The following NALCN variants were observed in gnomAD, a reference collection of about 807,000 sequenced individuals.
NALCN encodes the protein sodium leak channel, non-selective.
In NALCN, 111 loss-of-function variants were observed where a neutral mutation model predicts 225.3. That is an observed-to-expected ratio of 0.49 (90% confidence interval 0.42 to 0.58). The LOEUF (loss-of-function observed/expected upper bound fraction) is 0.58. Ranked by LOEUF, NALCN falls within the 20% of genes least tolerant of loss-of-function variation. The pLI is 0.00. For synonymous variants in NALCN, 764 were observed against 769.0 expected (o/e 0.99, Z 0.11); for missense variants, 1,378 against 2,202.4 (o/e 0.63, Z 7.49).
At chr13:101,086,209 C>T (rs2139530145) in intron 30 of NALCN, among the ~76,000 whole-genome samples, 1 of 151,984 alleles carries the variant, frequency 6.6e-6, no homozygotes, top group Non-Finnish European at 1.5e-5. Context: ...ATCTTTGTTA[C>T]TTTCTTCCCC....
intron 11 of NALCN, among the ~76,000 whole-genome samples, chr13:101,255,876 C>G (rs557471102): frequency 6.6e-6 from 1 of 152,292 alleles, no homozygotes; most frequent in African/African-American, 2.4e-5. Flanking sequence ...CTCCTTGATA[C>G]TCCTTTGCAA....
At chr13:101,285,902 C>T (rs2043321326) in intron 9 of NALCN, among the ~76,000 whole-genome samples, 1 of 152,154 alleles carries the variant, frequency 6.6e-6, no homozygotes, top group South Asian at 2.1e-4. Flanking sequence ...ATCCTATACT[C>T]TCTAATTGTG....
chr13:101,309,177 C>T (rs1018090062), intron 7 of NALCN, among the ~76,000 whole-genome samples: 3 of 152,092 alleles, frequency 2.0e-5, no homozygotes, highest in Non-Finnish European at 2.9e-5. Context: ...CAAAATAATG[C>T]TATTTTTACC....
At chr13:101,091,547 C>T (rs2139558509) in intron 28 of NALCN, among the ~76,000 whole-genome samples, 1 of 148,104 alleles carries the variant, frequency 6.8e-6, no homozygotes, top group Non-Finnish European at 1.5e-5. Flanking sequence ...CTCAGAAATG[C>T]ATATTTTGGA....
chr13:101,232,892 A>G (rs551201732), intron 12 of NALCN, among the ~76,000 whole-genome samples: 87 of 152,200 alleles, frequency 5.7e-4, no homozygotes, highest in Non-Finnish European at 1.0e-3. Context: ...ATCTGGAAAG[A>G]TTTCACATTT....
intron 13 of NALCN, among the ~76,000 whole-genome samples, chr13:101,205,472 A>C (rs1292117117): frequency 6.6e-6 from 1 of 152,132 alleles, no homozygotes; most frequent in Non-Finnish European, 1.5e-5. Flanking sequence ...GAATGAACTT[A>C]TATTTTACCC....
At chr13:101,365,681 T>A (rs185913555) in intron 6 of NALCN, among the ~76,000 whole-genome samples, 146 of 152,236 alleles carry the variant, frequency 9.6e-4, no homozygotes, top group African/African-American at 2.9e-3. Context: ...AAATGCATTG[T>A]CTACATTGAG....
At chr13:101,102,082 AG>A (rs2034850768) in intron 26 of NALCN, among the ~76,000 whole-genome samples, 1 of 152,162 alleles carries the variant, frequency 6.6e-6, no homozygotes, top group African/African-American at 2.4e-5. Context: ...CAGGAGTTCA[AG>A]GGCAGCATGG....
At chr13:101,310,853 A>G (rs1182857557) in intron 7 of NALCN, among the ~76,000 whole-genome samples, 1 of 152,216 alleles carries the variant, frequency 6.6e-6, no homozygotes, top group East Asian at 1.9e-4. Context: ...TAATGGAAAT[A>G]AAGTCAGAAC....
intron 39 of NALCN, among the ~76,000 whole-genome samples, chr13:101,066,192 G>A (rs1188795116): frequency 2.0e-5 from 3 of 151,840 alleles, no homozygotes; most frequent in Non-Finnish European, 2.9e-5. Flanking sequence ...CGGACATAGT[G>A]GTACATGCCT....
rs1006962425 is a variant in NALCN at position 101,327,975 on chromosome 13, G to C, written c.799+17291C>G. On this transcript the variant is annotated intron_variant, in intron 7 of 43. Transcript: ENST00000251127. ...TGAACTTTTCTGCTGTTGGAGAAAA[G>C]CAGCCACAGACCATGTCTAAACAAA... 2.0e-5 allele frequency among the ~76,000 whole-genome samples: 3 copies of C among 152,136 alleles called. No individual in the cohort carries two copies. In the South Asian group the frequency reaches 6.2e-4, roughly 31 times the overall value.
At chr13:101,360,069 T>C (rs9557626) in intron 6 of NALCN, among the ~76,000 whole-genome samples, 1 of 149,822 alleles carries the variant, frequency 6.7e-6, no homozygotes. Flanking sequence ...TTCTTTCTTT[T>C]TCTTTCTTTC....
At chr13:101,390,142 C>G (rs2047104467) in intron 3 of NALCN, among the ~76,000 whole-genome samples, 1 of 151,866 alleles carries the variant, frequency 6.6e-6, no homozygotes, top group African/African-American at 2.4e-5. Context: ...AATAAACACT[C>G]AAAGCAGATG....
chr13:101,260,031 C>A (rs1464512350), intron 10 of NALCN, among the ~76,000 whole-genome samples: 1 of 151,900 alleles, frequency 6.6e-6, no homozygotes, highest in Non-Finnish European at 1.5e-5. Flanking sequence ...CCCCCAGTAC[C>A]CATCTCAGCC....
At chr13:101,322,966 G>A (rs1021853295) in intron 7 of NALCN, among the ~76,000 whole-genome samples, 2 of 152,006 alleles carry the variant, frequency 1.3e-5, no homozygotes, top group African/African-American at 2.4e-5. Flanking sequence ...GCCCGCCTTG[G>A]CCTCCCAAAG....
chr13:101,359,742 T>G (rs1477741367), intron 6 of NALCN, among the ~76,000 whole-genome samples: 1 of 151,950 alleles, frequency 6.6e-6, no homozygotes, highest in Non-Finnish European at 1.5e-5. Flanking sequence ...CCAGAAAAAC[T>G]AGAAAAAGAA....
intron 14 of NALCN, chr13:101,180,939 C>T (rs1889240): frequency 0.27 from 110,708 of 414,790 alleles, 16,456 homozygotes; most frequent in Non-Finnish European, 0.32. Context: ...AATTGGAGAG[C>T]GGATGGGAAG....
At chr13:101,102,261 C>T (rs7988147) in intron 26 of NALCN, among the ~76,000 whole-genome samples, 25,368 of 150,668 alleles carry the variant, frequency 0.17, 2,745 homozygotes, top group Non-Finnish European at 0.25. Context: ...CCAGCCTGGG[C>T]GACAGAGCAA....
intron 11 of NALCN, among the ~76,000 whole-genome samples, chr13:101,247,460 G>T (rs996779028): frequency 1.3e-5 from 2 of 152,102 alleles, no homozygotes; most frequent in African/African-American, 2.4e-5. Context: ...ATCATAGAGG[G>T]AGGGAGAGAG....
Sources: gnomAD v4.1 joint callset for allele counts (sites outside exome capture counted in the v4.1 genomes callset) on GRCh38, gnomAD v4.1.1 for gene constraint, MANE v1.5 for transcripts, NCBI Gene and HGNC (gene_info 2026-07-23, HGNC 2026-07-21) for gene names.